Variants in COL6A6 observed in about 807,000 individuals in gnomAD.
The protein encoded by COL6A6 is collagen type VI alpha 6 chain.
A neutral mutation model predicts 208.6 loss-of-function variants in COL6A6; 183 were observed. The ratio of observed to expected loss-of-function variants is 0.88; its 90% CI spans 0.78 to 0.99. COL6A6 has a LOEUF of 0.99. Among genes scored for constraint, COL6A6 ranks in the 50% least tolerant of loss-of-function variants. COL6A6 has a pLI of 0.00. For missense variants in COL6A6, 2,816 were observed against 2,815.2 expected (o/e 1.00, Z -0.01); for synonymous variants, 973 against 1,011.8 (o/e 0.96, Z 0.73).
At chr3:130,639,455 G>C (rs2108354619) in intron 28 of COL6A6, among the ~76,000 whole-genome samples, 2 of 152,270 alleles carry the variant, frequency 1.3e-5, no homozygotes, top group East Asian at 3.9e-4. Flanking sequence ...CACTCTGGGA[G>C]GCCTAAGCAG....
At chr3:130,542,925 A>C (rs560053678) in intron 1 of COL6A6, among the ~76,000 whole-genome samples, 1 of 78,082 alleles carries the variant, frequency 1.3e-5, no homozygotes, top group East Asian at 4.7e-4. Flanking sequence ...TTTTTTTTTT[A>C]GATAGGAGTC....
At chr3:130,671,184 G>A (rs2066205263) in intron 36 of COL6A6, among the ~76,000 whole-genome samples, 1 of 152,206 alleles carries the variant, frequency 6.6e-6, no homozygotes, top group African/African-American at 2.4e-5. Flanking sequence ...AGACTTAAGG[G>A]CCTGAATTTG....
chr3:130,517,336 G>C lies in COL6A6; in HGVS notation c.-93G>C, dbSNP rs986519804. 1.3e-5 allele frequency among the ~76,000 whole-genome samples: 2 copies of C among 152,244 alleles called. No individual in the cohort carries two copies. Among genetic ancestry groups the C allele is most frequent in the African/African-American group, 4.8e-5 (2 of 41,466 alleles). On this transcript the variant is annotated 5_prime_UTR_variant, in exon 1 of 37. Transcript: ENST00000358511. Reference sequence around the variant, plus strand: ...GCCCTGCCCGCGCAGTGCGCGTCCAGAGGAAATCCGCCCCGGGCTTTCGAA... The same window carrying C: ...GCCCTGCCCGCGCAGTGCGCGTCCACAGGAAATCCGCCCCGGGCTTTCGAA...
intron 1 of COL6A6, among the ~76,000 whole-genome samples, chr3:130,544,341 CCTT>C (rs2107766268): frequency 6.6e-6 from 1 of 152,314 alleles, no homozygotes; most frequent in South Asian, 2.1e-4. Flanking sequence ...GGGAGGATAT[CCTT>C]TTTTAAGGCT....
chr3:130,647,228 G>C (rs2065486937), intron 32 of COL6A6, among the ~76,000 whole-genome samples: 1 of 152,152 alleles, frequency 6.6e-6, no homozygotes, highest in Non-Finnish European at 1.5e-5. Flanking sequence ...ATTCCTGGCA[G>C]CTTGCTTGGT....
intron 7 of COL6A6, among the ~76,000 whole-genome samples, chr3:130,573,499 T>C (rs1001848043): frequency 3.3e-5 from 5 of 152,180 alleles, no homozygotes; most frequent in Non-Finnish European, 5.9e-5. Context: ...TCTACAATTA[T>C]TGTGACCACA....
Position 130,568,203 on chromosome 3 carries a change from G to A in COL6A6, c.2000G>A (p.Ser667Asn). 1 of 1,613,994 alleles carries A rather than the reference G, an allele frequency of 6.2e-7. No individual in the cohort carries two copies. The highest frequency in any genetic ancestry group is 2.2e-5 in the East Asian group (1 of 44,882). The stretch of plus-strand genomic sequence containing the variant: ...GTGCAAATTGGTGTAGTCCAGTTCA[G>A]CGACATCAATAAGGAAGAGTTTCAG... Reference protein sequence around the residue: ...DRVQIGVVQFSDINKEEFQLN... With the variant: ...DRVQIGVVQFNDINKEEFQLN... The change falls in exon 6 of 37, where the codon AGC becomes AAC. Residue 667 changes from serine to asparagine, a missense_variant. Physicochemically the swap from Ser to Asn is conservative, Grantham distance 46. Transcript: ENST00000358511.
At chr3:130,561,996 T>C (rs1490789229) in intron 2 of COL6A6, among the ~76,000 whole-genome samples, 2 of 152,184 alleles carry the variant, frequency 1.3e-5, no homozygotes, top group Non-Finnish European at 2.9e-5. Context: ...CCCAAGTGTA[T>C]TGAATGTCTT....
At chr3:130,586,728 T>C (rs984202291) in intron 11 of COL6A6, 68 bp downstream of exon 11, 1 of 1,436,522 alleles carries the variant, frequency 7.0e-7, no homozygotes, top group Non-Finnish European at 9.4e-7. Context: ...TTAATACTTA[T>C]GCTTAAGAAT....
At chr3:130,656,979 G>T (rs1335923168) in intron 33 of COL6A6, among the ~76,000 whole-genome samples, 1 of 152,218 alleles carries the variant, frequency 6.6e-6, no homozygotes, top group African/African-American at 2.4e-5. Flanking sequence ...GGGGCAAGGG[G>T]TTTCCCAGGT....
intron 1 of COL6A6, among the ~76,000 whole-genome samples, chr3:130,520,082 A>G (rs1390719242): frequency 2.0e-5 from 3 of 152,092 alleles, no homozygotes; most frequent in East Asian, 1.9e-4. Flanking sequence ...TTTTACTACA[A>G]ATTTCTTCAT....
At chr3:130,650,941 T>A in intron 33 of COL6A6, among the ~76,000 whole-genome samples, 1 of 152,214 alleles carries the variant, frequency 6.6e-6, no homozygotes, top group Middle Eastern at 3.2e-3. Context: ...GATTAGAGGC[T>A]AAAAGTGGCC....
chr3:130,523,528 C>A (rs1285961435), intron 1 of COL6A6, among the ~76,000 whole-genome samples: 1 of 152,132 alleles, frequency 6.6e-6, no homozygotes, highest in Non-Finnish European at 1.5e-5. Context: ...AAAGTGGAAA[C>A]AATATTCAAG....
chr3:130,569,174 C>A (rs1013837298), intron 6 of COL6A6, among the ~76,000 whole-genome samples: 19 of 152,326 alleles, frequency 1.2e-4, no homozygotes, highest in African/African-American at 4.3e-4. Context: ...TTGACCTACA[C>A]ATCTACTATA....
At chr3:130,578,517 G>A (rs1296124815) in intron 8 of COL6A6, among the ~76,000 whole-genome samples, 1 of 152,140 alleles carries the variant, frequency 6.6e-6, no homozygotes, top group Non-Finnish European at 1.5e-5. Context: ...GTTAGCCACA[G>A]CTTAAGAAAG....
Position 130,592,678 on chromosome 3 carries a change from C to T in COL6A6, c.4345-18C>T, listed in dbSNP as rs781131489. ...TTACATTTTCCTACACTAACTATAA[C>T]TGTCCTTTTATTTTCAGGGAAACAG... On this transcript the variant is annotated intron_variant, in intron 14 of 36. Transcript: ENST00000358511. The T allele has an allele frequency of 6.2e-7, 1 of 1,613,068 alleles. No homozygotes were observed. The highest frequency in any genetic ancestry group is 1.7e-5 in the Admixed American group (1 of 59,998).
At chr3:130,548,032 A>G (rs1254293570) in intron 1 of COL6A6, among the ~76,000 whole-genome samples, 1 of 152,170 alleles carries the variant, frequency 6.6e-6, no homozygotes, top group Non-Finnish European at 1.5e-5. Context: ...ACTTCAGGTG[A>G]TCCGCCTGCC....
rs375780218 is a variant in COL6A6 at position 130,586,565 on chromosome 3, G to A, written c.4030G>A (p.Asp1344Asn). ...ACCTGCTGATTCAAGTGACTTGGCT[G>A]ATCTTCCCTATATTGAATTTGGGAA... is the stretch of plus-strand genomic sequence containing the variant. ...DGPADSSDLA[D>N]LPYIEFGKGF... The change falls in exon 11 of 37, where the codon GAT (aspartate) becomes AAT (asparagine). Residue 1344 changes from aspartate to asparagine, a missense_variant. By Grantham distance (23) the Asp-to-Asn change is conservative (BLOSUM62 1). Transcript: ENST00000358511. 1 of 1,613,888 alleles carries A rather than the reference G, an allele frequency of 6.2e-7. No individual in the cohort carries two copies. Among genetic ancestry groups the A allele is most frequent in the Non-Finnish European group, 8.5e-7 (1 of 1,179,832 alleles).
At chr3:130,521,363 G>A (rs1298422682) in intron 1 of COL6A6, among the ~76,000 whole-genome samples, 1 of 152,134 alleles carries the variant, frequency 6.6e-6, no homozygotes, top group Non-Finnish European at 1.5e-5. Context: ...AGTCATATTT[G>A]GCTATTACTG....
Sources: gnomAD v4.1 joint callset for allele counts (sites outside exome capture counted in the v4.1 genomes callset) on GRCh38, gnomAD v4.1.1 for gene constraint, MANE v1.5 for transcripts, NCBI Gene and HGNC (gene_info 2026-07-23, HGNC 2026-07-21) for gene names.